Variants in EML4 observed in about 807,000 individuals in gnomAD.
EML4 encodes the protein EMAP like 4, also known as echinoderm microtubule-associated protein-like 4.
EML4 carries 72 observed loss-of-function variants against 129.0 expected under a neutral mutation model. The ratio of observed to expected loss-of-function variants is 0.56; its 90% CI spans 0.46 to 0.68. The LOEUF (loss-of-function observed/expected upper bound fraction) is 0.68. Ranked by LOEUF, EML4 falls within the 30% of genes least tolerant of loss-of-function variation. EML4 has a pLI of 0.00. For missense variants in EML4, 1,363 were observed against 1,190.6 expected (o/e 1.14, Z -2.13); for synonymous variants, 532 against 405.0 (o/e 1.31, Z -3.77).
chr2:42,181,851 T>TAC (rs1670963993), intron 1 of EML4, among the ~76,000 whole-genome samples: 3 of 152,184 alleles, frequency 2.0e-5, no homozygotes, highest in African/African-American at 7.2e-5. Context: ...GAAAGGTATT[T>TAC]AGAAACCAAG....
At chr2:42,179,037 G>T (rs1400061158) in intron 1 of EML4, among the ~76,000 whole-genome samples, 1 of 152,190 alleles carries the variant, frequency 6.6e-6, no homozygotes, top group Non-Finnish European at 1.5e-5. Context: ...ACTTGTAAGG[G>T]GGGGAAACAG....
intron 1 of EML4, among the ~76,000 whole-genome samples, chr2:42,222,314 C>G (rs997739902): frequency 6.6e-6 from 1 of 152,048 alleles, no homozygotes; most frequent in Non-Finnish European, 1.5e-5. Context: ...AACTTTAGCA[C>G]TTTATGGCAA....
intron 1 of EML4, among the ~76,000 whole-genome samples, chr2:42,201,915 C>T (rs1672256056): frequency 6.6e-6 from 1 of 152,114 alleles, no homozygotes; most frequent in Admixed American, 6.5e-5. Context: ...AACCCCATCT[C>T]TACTAAAAAT....
chr2:42,218,939 C>T (rs939588188), intron 1 of EML4, among the ~76,000 whole-genome samples: 1 of 152,158 alleles, frequency 6.6e-6, no homozygotes, highest in Admixed American at 6.5e-5. Flanking sequence ...GCTAGGAATA[C>T]AAACATGCAC....
chr2:42,276,578 C>A (rs1666671078), intron 6 of EML4, among the ~76,000 whole-genome samples: 1 of 152,166 alleles, frequency 6.6e-6, no homozygotes, highest in Admixed American at 6.5e-5. Context: ...TAAACAATTG[C>A]TAAACAGTGT....
At position 42,303,181 on chromosome 2, in the gene EML4, C is replaced by A; in HGVS notation, c.1719C>A (p.Asn573Lys). 6.2e-7 allele frequency: 1 copy of A among 1,614,094 alleles called. No individual in the cohort carries two copies. Among genetic ancestry groups the A allele is most frequent in the Non-Finnish European group, 8.5e-7 (1 of 1,180,006 alleles). Reference sequence around the variant, plus strand: ...AATTTTTAGTAGGCACATCACGAAACTTTATTTTACGAGGAACATTTAATG... The same window carrying A: ...AATTTTTAGTAGGCACATCACGAAAATTTATTTTACGAGGAACATTTAATG... The part of the protein sequence containing the change: ...ADQFLVGTSR[N>K]FILRGTFNDG... Residue 573 changes from asparagine (N) to lysine (K), a missense_variant, in exon 15 of 23, where the codon AAC becomes AAA. Asn to Lys is a moderately conservative substitution (Grantham distance 94, BLOSUM62 0). Coordinates refer to ENST00000318522, the MANE Select transcript of EML4 (RefSeq NM_019063.5).
chr2:42,274,146 G>A (rs969590614), intron 6 of EML4, among the ~76,000 whole-genome samples: 1 of 152,098 alleles, frequency 6.6e-6, no homozygotes, highest in African/African-American at 2.4e-5. Flanking sequence ...CTCAAATTAA[G>A]TAAAGATTCT....
intron 6 of EML4, among the ~76,000 whole-genome samples, chr2:42,270,047 A>G (rs1166220870): frequency 3.3e-5 from 5 of 152,228 alleles, no homozygotes; most frequent in Non-Finnish European, 5.9e-5. Context: ...AAAGGAAATG[A>G]TTTTAGAAAA....
At chr2:42,223,109 T>A (rs1673722105) in intron 1 of EML4, among the ~76,000 whole-genome samples, 1 of 152,070 alleles carries the variant, frequency 6.6e-6, no homozygotes, top group African/African-American at 2.4e-5. Flanking sequence ...CTGGCCAATA[T>A]AATGTATTTT....
At chr2:42,184,913 G>T (rs888889039) in intron 1 of EML4, among the ~76,000 whole-genome samples, 1 of 152,170 alleles carries the variant, frequency 6.6e-6, no homozygotes, top group African/African-American at 2.4e-5. Flanking sequence ...CTTTTGAGTG[G>T]TAACTGCTCT....
chr2:42,198,399 C>T (rs1431162676), intron 1 of EML4, among the ~76,000 whole-genome samples: 1 of 151,968 alleles, frequency 6.6e-6, no homozygotes, highest in Non-Finnish European at 1.5e-5. Context: ...ACTCAAGAGG[C>T]ACCTGTTTTA....
At chr2:42,260,243 C>A (rs568240545) in intron 3 of EML4, among the ~76,000 whole-genome samples, 1 of 152,328 alleles carries the variant, frequency 6.6e-6, no homozygotes, top group South Asian at 2.1e-4. Flanking sequence ...TCTCCGCTCA[C>A]TGCAAACTCC....
At chr2:42,176,324 C>G (rs1345833955) in intron 1 of EML4, among the ~76,000 whole-genome samples, 1 of 152,168 alleles carries the variant, frequency 6.6e-6, no homozygotes, top group Non-Finnish European at 1.5e-5. Context: ...TGCATGGCGT[C>G]GAGAATCTCC....
chr2:42,226,448 A>C (rs1029560198), intron 1 of EML4, among the ~76,000 whole-genome samples: 2 of 118,062 alleles, frequency 1.7e-5, no homozygotes, highest in African/African-American at 5.7e-5. Context: ...TCATGAGGTC[A>C]GGAGATCGAG....
chr2:42,262,581 T>G (rs1002056790), intron 4 of EML4, among the ~76,000 whole-genome samples: 3 of 152,196 alleles, frequency 2.0e-5, no homozygotes, highest in Non-Finnish European at 4.4e-5. Flanking sequence ...TTGAGGATAG[T>G]TAGCAATGCA....
intron 9 of EML4, chr2:42,285,844 C>A: frequency 5.7e-6 from 1 of 175,764 alleles, no homozygotes. Flanking sequence ...CATGATCCGC[C>A]CGCCTCGGCC....
chr2:42,229,413 A>C (rs1240279968), intron 1 of EML4, among the ~76,000 whole-genome samples: 1 of 152,210 alleles, frequency 6.6e-6, no homozygotes, highest in Non-Finnish European at 1.5e-5. Context: ...TGTGCTCTTA[A>C]GCACCATATG....
intron 1 of EML4, among the ~76,000 whole-genome samples, chr2:42,195,838 C>G (rs1671868538): frequency 6.6e-6 from 1 of 152,052 alleles, no homozygotes; most frequent in South Asian, 2.1e-4. Flanking sequence ...ATTTTTTTCT[C>G]CAATCTTTAT....
At chr2:42,251,473 A>G (rs1675763124) in intron 2 of EML4, among the ~76,000 whole-genome samples, 1 of 152,242 alleles carries the variant, frequency 6.6e-6, no homozygotes, top group Admixed American at 6.5e-5. Flanking sequence ...ACTTTTAAGT[A>G]GTGGCCACAA....
Sources: gnomAD v4.1 joint callset for allele counts (sites outside exome capture counted in the v4.1 genomes callset) on GRCh38, gnomAD v4.1.1 for gene constraint, MANE v1.5 for transcripts, NCBI Gene and HGNC (gene_info 2026-07-23, HGNC 2026-07-21) for gene names.